The following H2AZ2 variants were observed in gnomAD, a reference collection of about 807,000 sequenced individuals.
H2AZ2 encodes histone H2A.V.
H2AZ2 carries 5 observed loss-of-function variants against 15.5 expected under a neutral mutation model. The ratio of observed to expected loss-of-function variants is 0.32; its 90% CI spans 0.17 to 0.68. H2AZ2 has a LOEUF of 0.68. Ranked by LOEUF, H2AZ2 falls within the 30% of genes least tolerant of loss-of-function variation. The pLI is 0.72. For synonymous variants in H2AZ2, 44 were observed against 57.4 expected (o/e 0.77, Z 1.05); for missense variants, 42 against 162.5 (o/e 0.26, Z 4.03).
chr7:44,837,355 G>A (rs1292827612), intron 3 of H2AZ2, among the ~76,000 whole-genome samples: 1 of 148,320 alleles, frequency 6.7e-6, no homozygotes. Context: ...CCCAGGAGGT[G>A]GAGGTTGCAG....
downstream of H2AZ2, among the ~76,000 whole-genome samples, chr7:44,831,004 A>C (rs552540157): frequency 1.2e-4 from 18 of 152,250 alleles, no homozygotes; most frequent in Admixed American, 6.5e-4. Flanking sequence ...CAAAAACAAA[A>C]GAACAAACAA....
rs898011637 is a variant in H2AZ2 at position 44,832,579 on chromosome 7, C to T, written c.*1922G>A. On this transcript the variant is annotated 3_prime_UTR_variant, in exon 5 of 5. Transcript: ENST00000308153. ...TATACTATAAAATATTTTAAAATTT[C>T]CTTCTTTAATGAAGACTTGCAAGCA... 1.3e-5 allele frequency among the ~76,000 whole-genome samples: 2 copies of T among 152,134 alleles called. No homozygotes were observed. The highest frequency in any genetic ancestry group is 4.8e-5 in the African/African-American group (2 of 41,412).
In H2AZ2 at chr7:44,834,286, C is replaced by A; in HGVS notation, c.*215G>T. 3 of 1,279,436 alleles carry A rather than the reference C, an allele frequency of 2.3e-6. No homozygotes were observed. Among genetic ancestry groups the A allele is most frequent in the South Asian group, 3.1e-5 (1 of 32,416 alleles). The allele number at this position is 1,279,436 out of a possible 1,614,324, so 79.3% of individuals were successfully genotyped here. The stretch of plus-strand genomic sequence containing the variant: ...TTTTGTATAAAACACACGGGAGAAA[C>A]CTAGCCAATCAACACACAACTGTCA... On this transcript the variant is annotated 3_prime_UTR_variant, in exon 5 of 5. Coordinates refer to ENST00000308153, the MANE Select transcript of H2AZ2 (RefSeq NM_012412.5).
intron 1 of H2AZ2, among the ~76,000 whole-genome samples, chr7:44,847,605 T>G (rs1247084083): frequency 6.6e-6 from 1 of 152,196 alleles, no homozygotes; most frequent in Non-Finnish European, 1.5e-5. Context: ...GCAGCCTGTT[T>G]GACCTCATTC....
At chr7:44,846,747 T>G (rs1435888590) in intron 1 of H2AZ2, among the ~76,000 whole-genome samples, 1 of 151,842 alleles carries the variant, frequency 6.6e-6, no homozygotes, top group Non-Finnish European at 1.5e-5. Flanking sequence ...GTACCTCAGT[T>G]TGATAAAGTA....
chr7:44,828,775 T>C (rs1369227594), downstream of H2AZ2: 1 of 152,220 alleles, frequency 6.6e-6, no homozygotes, highest in Non-Finnish European at 1.5e-5. Flanking sequence ...CAAATTTATA[T>C]GCTCAGGGTC....
In H2AZ2 at chr7:44,834,113, A is replaced by C. The variant is rs1407008888; in HGVS notation, c.*388T>G. On this transcript the variant is annotated 3_prime_UTR_variant, in exon 5 of 5. Coordinates refer to ENST00000308153, the MANE Select transcript of H2AZ2 (RefSeq NM_012412.5). ...CCATGGTATCAATCATTGTAAAGAT[A>C]TATTCCCAATTTCTGTTCTAAGGTT... 1.1e-6 allele frequency: 1 copy of C among 916,410 alleles called. No individual in the cohort carries two copies. The highest frequency in any genetic ancestry group is 1.3e-6 in the Non-Finnish European group (1 of 762,492). 56.8% of individuals were successfully genotyped at this position (916,410 alleles called of 1,614,324 possible). A position where few individuals can be genotyped will look rare whatever the true frequency, so the allele number is the denominator to read the frequency against.
chr7:44,837,856 G>T (rs1306563543), intron 3 of H2AZ2, among the ~76,000 whole-genome samples: 1 of 150,704 alleles, frequency 6.6e-6, no homozygotes, highest in African/African-American at 2.4e-5. Flanking sequence ...AGATAGATGG[G>T]GCTTGAACCT....
intron 3 of H2AZ2, among the ~76,000 whole-genome samples, chr7:44,838,402 G>C (rs1318182498): frequency 6.6e-6 from 1 of 152,076 alleles, no homozygotes; most frequent in African/African-American, 2.4e-5. Context: ...TGTAATCCCA[G>C]CACTTTGGGA....
At chr7:44,840,633 C>A (rs750914369) in intron 3 of H2AZ2, among the ~76,000 whole-genome samples, 2 of 151,810 alleles carry the variant, frequency 1.3e-5, no homozygotes, top group Non-Finnish European at 2.9e-5. Flanking sequence ...TAGCTGGGCA[C>A]AGTGGTGCAC....
chr7:44,838,626 C>A (rs1302811782), intron 3 of H2AZ2, among the ~76,000 whole-genome samples: 2 of 152,170 alleles, frequency 1.3e-5, no homozygotes, highest in Admixed American at 1.3e-4. Context: ...GCCTTCCAGC[C>A]TGGGAGACAG....
At chr7:44,843,399 A>G in intron 1 of H2AZ2, 45 bp from the exon 2 acceptor site, 2 of 1,287,450 alleles carry the variant, frequency 1.6e-6, no homozygotes, top group Non-Finnish European at 2.2e-6. Flanking sequence ...AGTTGAAAAT[A>G]CTACTTCAAA....
chr7:44,843,341 G>A lies in H2AZ2; in HGVS notation c.17C>T (p.Ala6Val), dbSNP rs757740920. 3.1e-6 allele frequency: 5 copies of A among 1,611,932 alleles called. No individual in the cohort carries two copies. Among genetic ancestry groups the A allele is most frequent in the Non-Finnish European group, 4.2e-6 (5 of 1,179,254 alleles). MAGGK[A>V]GKDSGKAKAK... ...CTTGGCCTTCCCACTGTCCTTTCCA[G>A]CTTTGCCTCCAGCCTAAATGCAAAA... The change falls in exon 2 of 5, where the codon GCT becomes GTT. Residue 6 changes from alanine to valine, a missense_variant. By Grantham distance (64) the Ala-to-Val change is moderately conservative (BLOSUM62 0). Coordinates refer to ENST00000308153, the MANE Select transcript of H2AZ2 (RefSeq NM_012412.5).
intron 3 of H2AZ2, 103 bp from the exon 4 acceptor site, chr7:44,835,761 C>G (rs1471283838): frequency 3.0e-5 from 29 of 974,482 alleles, no homozygotes; most frequent in Non-Finnish European, 4.1e-5. Context: ...AATACATAAA[C>G]TGATAATATA....
chr7:44,839,355 T>C (rs10951775), intron 3 of H2AZ2, among the ~76,000 whole-genome samples: 114,863 of 151,856 alleles, frequency 0.76, 45,984 homozygotes, highest in Non-Finnish European at 0.9. Flanking sequence ...CCAGCCTGGG[T>C]AACATAGGGA....
downstream of H2AZ2, chr7:44,830,191 G>A: frequency 6.2e-7 from 1 of 1,610,004 alleles, no homozygotes; most frequent in Non-Finnish European, 8.5e-7. Flanking sequence ...GACAAATAGA[G>A]AATAAAAACA....
chr7:44,827,862 A>G (rs1052063924), downstream of H2AZ2: 5 of 152,242 alleles, frequency 3.3e-5, no homozygotes, highest in South Asian at 2.1e-4. Flanking sequence ...ATAAAAATAC[A>G]TATCTTTGGC....
chr7:44,832,908 C>T lies in H2AZ2; in HGVS notation c.*1593G>A, dbSNP rs1302494833. On this transcript the variant is annotated 3_prime_UTR_variant, in exon 5 of 5. Transcript: ENST00000308153. ...GAGGCTGCAGTGAGCCAGGATCATGCCACTGCACTTCAACCTGGGCAAAAG... is the reference window on the plus strand; with the variant it reads ...GAGGCTGCAGTGAGCCAGGATCATGTCACTGCACTTCAACCTGGGCAAAAG... Among the ~76,000 whole-genome samples, 1 of 152,134 alleles carries T rather than the reference C, an allele frequency of 6.6e-6. No homozygotes were observed. Among genetic ancestry groups the T allele is most frequent in the Non-Finnish European group, 1.5e-5 (1 of 68,034 alleles).
At chr7:44,846,655 C>CAAA (rs78453116) in intron 1 of H2AZ2, among the ~76,000 whole-genome samples, 1 of 132,462 alleles carries the variant, frequency 7.5e-6, no homozygotes, top group African/African-American at 2.9e-5. Context: ...AACAAAAAAC[C>CAAA]AAAAAAAAAA....
Sources: gnomAD v4.1 joint callset for allele counts (sites outside exome capture counted in the v4.1 genomes callset) on GRCh38, gnomAD v4.1.1 for gene constraint, MANE v1.5 for transcripts, NCBI Gene and HGNC (gene_info 2026-07-23, HGNC 2026-07-21) for gene names.